Variants in TBC1D1 observed in about 807,000 individuals in gnomAD.
TBC1D1 encodes the protein TBC1 domain family member 1.
Under a neutral mutation model 125.6 loss-of-function variants are expected in TBC1D1, and 89 were observed. The observed-to-expected ratio is 0.71, with a 90% CI of 0.60 to 0.85. TBC1D1 has a LOEUF of 0.85. Among genes scored for constraint, TBC1D1 ranks in the 40% least tolerant of loss-of-function variants. The pLI, the probability that TBC1D1 is intolerant of heterozygous loss-of-function variation, is 0.00. For synonymous variants in TBC1D1, 565 were observed against 564.1 expected, an observed-to-expected ratio of 1.00 and a Z score of -0.02; for missense variants, 1,377 against 1,469.2, an observed-to-expected ratio of 0.94 and a Z score of 1.03.
intron 7 of TBC1D1, among the ~76,000 whole-genome samples, chr4:38,032,071 C>T (rs1746262233): frequency 6.6e-6 from 1 of 152,204 alleles, no homozygotes; most frequent in Non-Finnish European, 1.5e-5. Context: ...GTAATTCCAG[C>T]ACTTTGGGAG....
rs151202093 is a variant in TBC1D1, at chr4:38,068,759, A to C, written c.2050+14421A>C. Among the ~76,000 whole-genome samples the C allele has an allele frequency of 1.6e-4, 25 of 152,332 alleles. No homozygotes were observed. The East Asian group carries it at 4.6e-3, about 28-fold the overall frequency. The stretch of plus-strand genomic sequence containing the variant: ...CGTATTGTAAGCAGAGCTCAAGAAC[A>C]TTCAGCAATATTGTGAGAGTGGCTA... On this transcript the variant is annotated intron_variant, in intron 12 of 19. Transcript: ENST00000261439.
At chr4:37,998,632 A>G (rs975894771) in intron 2 of TBC1D1, among the ~76,000 whole-genome samples, 3 of 152,060 alleles carry the variant, frequency 2.0e-5, no homozygotes, top group South Asian at 2.1e-4. Context: ...TTTCTAAATC[A>G]TGTTACCTGT....
chr4:38,032,269 G>C (rs1001189949), intron 7 of TBC1D1, among the ~76,000 whole-genome samples: 3 of 152,244 alleles, frequency 2.0e-5, no homozygotes, highest in African/African-American at 7.2e-5. Flanking sequence ...CAGTGAGCCA[G>C]GATTGTGCCA....
At chr4:37,991,504 G>T (rs1736559118) in intron 2 of TBC1D1, among the ~76,000 whole-genome samples, 1 of 152,184 alleles carries the variant, frequency 6.6e-6, no homozygotes, top group Non-Finnish European at 1.5e-5. Flanking sequence ...CCCAGGGTGG[G>T]CACCACAGCC....
intron 2 of TBC1D1, among the ~76,000 whole-genome samples, chr4:37,979,310 A>G (rs1733882745): frequency 6.6e-6 from 1 of 152,246 alleles, no homozygotes; most frequent in African/African-American, 2.4e-5. Flanking sequence ...TAGGTGGTGC[A>G]TGCATTACAA....
intron 18 of TBC1D1, among the ~76,000 whole-genome samples, chr4:38,131,135 C>T (rs1765517139): frequency 6.6e-6 from 1 of 152,028 alleles, no homozygotes. Flanking sequence ...TGATTGTGAC[C>T]CAGGGTGGTT....
chr4:38,118,296 T>C, intron 17 of TBC1D1, 104 bp downstream of exon 19: 1 of 1,349,650 alleles, frequency 7.4e-7, no homozygotes, highest in Non-Finnish European at 1.0e-6. Context: ...CTGTAGCTCT[T>C]ACCAGAACAG....
At chr4:37,963,345 A>T (rs4594734) in intron 2 of TBC1D1, among the ~76,000 whole-genome samples, 52 of 151,014 alleles carry the variant, frequency 3.4e-4, no homozygotes, top group African/African-American at 1.2e-3. Flanking sequence ...AAGGCCAAGG[A>T]GGGAGCAGGC....
chr4:38,069,474 CT>C (rs1754319516), intron 12 of TBC1D1, among the ~76,000 whole-genome samples: 1 of 152,154 alleles, frequency 6.6e-6, no homozygotes, highest in Admixed American at 6.5e-5. Context: ...CAAAAGGAGG[CT>C]TTTAAACAGC....
chr4:37,913,966 A>G (rs1479472792), intron 2 of TBC1D1, among the ~76,000 whole-genome samples: 2 of 151,924 alleles, frequency 1.3e-5, no homozygotes, highest in African/African-American at 4.8e-5. Context: ...TGTTTCTTCT[A>G]TCTTGAAACA....
chr4:37,999,183 C>T (rs373335520), intron 2 of TBC1D1, among the ~76,000 whole-genome samples: 4 of 152,214 alleles, frequency 2.6e-5, no homozygotes, highest in African/African-American at 4.8e-5. Flanking sequence ...CGGAGGCAGA[C>T]GTTAGTTACA....
chr4:38,111,832 T>C (rs1425252130), intron 15 of TBC1D1: 14 of 547,634 alleles, frequency 2.6e-5, no homozygotes, highest in Non-Finnish European at 3.0e-5. Context: ...AAACGTGGAC[T>C]GTGTTACAAA....
chr4:37,983,178 A>G (rs1461894675), intron 2 of TBC1D1, among the ~76,000 whole-genome samples: 4 of 138,330 alleles, frequency 2.9e-5, no homozygotes, highest in Admixed American at 7.9e-5. Context: ...GCTGGAGTGC[A>G]GTGGTGCGAT....
chr4:38,128,293 C>T (rs1764992913), intron 18 of TBC1D1, among the ~76,000 whole-genome samples: 1 of 152,206 alleles, frequency 6.6e-6, no homozygotes, highest in Admixed American at 6.5e-5. Context: ...CTGAACTTGA[C>T]ATCTGAGTGT....
intron 2 of TBC1D1, among the ~76,000 whole-genome samples, chr4:37,957,164 T>C (rs977787077): frequency 2.2e-4 from 33 of 152,204 alleles, no homozygotes; most frequent in Non-Finnish European, 4.4e-4. Context: ...TGTATAATAC[T>C]CATGGCCACA....
chr4:38,027,974 C>A, intron 7 of TBC1D1, 95 bp downstream of exon 7: 1 of 878,978 alleles, frequency 1.1e-6, no homozygotes, highest in Non-Finnish European at 1.7e-6. Context: ...AGTGTTGTCC[C>A]AACCTGGGGG....
intron 2 of TBC1D1, among the ~76,000 whole-genome samples, chr4:38,011,784 A>G (rs1699576223): frequency 6.6e-6 from 1 of 152,174 alleles, no homozygotes; most frequent in African/African-American, 2.4e-5. Flanking sequence ...AAAGGATAGG[A>G]GAGATTGGTC....
At chr4:38,002,109 G>A (rs1489663998) in intron 2 of TBC1D1, among the ~76,000 whole-genome samples, 1 of 152,154 alleles carries the variant, frequency 6.6e-6, no homozygotes, top group Non-Finnish European at 1.5e-5. Flanking sequence ...TTCAGGATTG[G>A]TAGGAATGTG....
chr4:38,120,814 T>C (rs1206295996), intron 17 of TBC1D1, among the ~76,000 whole-genome samples: 1 of 152,120 alleles, frequency 6.6e-6, no homozygotes, highest in Non-Finnish European at 1.5e-5. Flanking sequence ...GTTCACTTTC[T>C]CATCACATCT....
Sources: gnomAD v4.1 joint callset for allele counts (sites outside exome capture counted in the v4.1 genomes callset) on GRCh38, gnomAD v4.1.1 for gene constraint, MANE v1.5 for transcripts, NCBI Gene and HGNC (gene_info 2026-07-23, HGNC 2026-07-21) for gene names.